Variants in SLCO1C1 observed in about 807,000 individuals in gnomAD.
SLCO1C1 encodes solute carrier organic anion transporter family member 1C1, also known as OAT-RP-5.
Under a neutral mutation model 76.4 loss-of-function variants are expected in SLCO1C1, and 70 were observed. The observed-to-expected ratio is 0.92, with a 90% CI of 0.76 to 1.12. SLCO1C1 has a LOEUF of 1.12. SLCO1C1 is among the 50% of genes most tolerant of loss of function. SLCO1C1 has a pLI of 0.00. For missense variants in SLCO1C1, 912 were observed against 823.8 expected (o/e 1.11, Z -1.31); for synonymous variants, 306 against 286.1 (o/e 1.07, Z -0.70).
At chr12:20,700,056 G>A (rs1262642767) in intron 2 of SLCO1C1, 1 of 163,308 alleles carries the variant, frequency 6.1e-6, no homozygotes, top group Admixed American at 6.5e-5. Context: ...AATAAAAATG[G>A]GAATAATGTT....
At chr12:20,722,406 G>C (rs747161483) in intron 8 of SLCO1C1, among the ~76,000 whole-genome samples, 43 of 152,214 alleles carry the variant, frequency 2.8e-4, no homozygotes, top group Non-Finnish European at 4.0e-4. Context: ...CTATTCATTT[G>C]AGAGATGTGT....
chr12:20,697,782 G>A (rs1946332974), intron 1 of SLCO1C1, among the ~76,000 whole-genome samples: 1 of 151,962 alleles, frequency 6.6e-6, no homozygotes, highest in African/African-American at 2.4e-5. Context: ...GGATTTGCTA[G>A]CATTTACTTA....
chr12:20,751,771 T>C (rs931873290), intron 14 of SLCO1C1, among the ~76,000 whole-genome samples: 7 of 152,148 alleles, frequency 4.6e-5, no homozygotes, highest in Admixed American at 2.6e-4. Context: ...TGACAAAGCA[T>C]AGAACTATAG....
chr12:20,743,178 T>G, intron 12 of SLCO1C1, 127 bp from the exon 13 acceptor site: 1 of 799,808 alleles, frequency 1.3e-6, no homozygotes, highest in Non-Finnish European at 2.0e-6. Flanking sequence ...AGCACACCAA[T>G]GGGTTCAACA....
chr12:20,701,376 T>C lies in SLCO1C1; in HGVS notation c.188T>C (p.Leu63Pro). 6.4e-7 allele frequency: 1 copy of C among 1,554,164 alleles called. No homozygotes were observed. The highest frequency in any genetic ancestry group is 8.8e-7 in the Non-Finnish European group (1 of 1,137,420). Residue 63 changes from leucine (L) to proline (P), a missense_variant, in exon 3 of 15, where the codon CTG becomes CCG. By Grantham distance (98) the Leu-to-Pro change is moderately conservative (BLOSUM62 -3). Transcript: ENST00000266509. ...YFAKALAEGY[L>P]KSTITQIERR... ...GCCAAAGCATTGGCAGAAGGCTATCTGAAGAGCACCATCACTCAGATAGAG... is the reference window on the plus strand; with the variant it reads ...GCCAAAGCATTGGCAGAAGGCTATCCGAAGAGCACCATCACTCAGATAGAG...
chr12:20,710,190 CT>C (rs1947003327), intron 4 of SLCO1C1, among the ~76,000 whole-genome samples: 1 of 140,000 alleles, frequency 7.1e-6, no homozygotes, highest in African/African-American at 2.9e-5. Flanking sequence ...ATAAACAGTT[CT>C]CTACTTTTCT....
intron 7 of SLCO1C1, among the ~76,000 whole-genome samples, chr12:20,717,692 T>A (rs1443300769): frequency 1.7e-5 from 2 of 117,196 alleles, no homozygotes; most frequent in Non-Finnish European, 3.5e-5. Flanking sequence ...TTTTTTTTTT[T>A]ACTCTGCAAG....
chr12:20,731,525 C>A (rs1422499514), intron 9 of SLCO1C1, among the ~76,000 whole-genome samples: 1 of 152,192 alleles, frequency 6.6e-6, no homozygotes, highest in African/African-American at 2.4e-5. Flanking sequence ...TTTACTACAG[C>A]AAATGCTGAT....
chr12:20,715,535 C>T (rs117301850), intron 6 of SLCO1C1, among the ~76,000 whole-genome samples: 3,198 of 152,278 alleles, frequency 0.021, 61 homozygotes, highest in Non-Finnish European at 0.033. Context: ...GCTGCAATGA[C>T]GTATGACCTT....
intron 12 of SLCO1C1, among the ~76,000 whole-genome samples, chr12:20,741,505 T>C (rs1303516171): frequency 1.3e-5 from 2 of 152,160 alleles, no homozygotes; most frequent in African/African-American, 4.8e-5. Flanking sequence ...AAATAGTGAT[T>C]TGATAACCAA....
At chr12:20,704,071 T>C (rs1321562508) in intron 3 of SLCO1C1, among the ~76,000 whole-genome samples, 1 of 151,608 alleles carries the variant, frequency 6.6e-6, no homozygotes, top group Admixed American at 6.6e-5. Context: ...TTTCTGTACC[T>C]GTTTTTTTGT....
intron 14 of SLCO1C1, 189 bp downstream of exon 14, chr12:20,750,981 A>T (rs1949277032): frequency 3.6e-6 from 4 of 1,124,566 alleles, no homozygotes; most frequent in Non-Finnish European, 5.0e-6. Context: ...TTTTGTCCCT[A>T]TTCATTACCT....
chr12:20,710,334 A>G (rs1158863829), intron 4 of SLCO1C1, among the ~76,000 whole-genome samples: 1 of 150,708 alleles, frequency 6.6e-6, no homozygotes, highest in African/African-American at 2.4e-5. Flanking sequence ...CAGCCTCCCA[A>G]GTAGCTGGGA....
chr12:20,712,585 A>ATTT (rs1257292543), intron 5 of SLCO1C1, among the ~76,000 whole-genome samples: 2 of 152,184 alleles, frequency 1.3e-5, no homozygotes, highest in African/African-American at 4.8e-5. Context: ...CCTACTCCTA[A>ATTT]CCGGAGGAAC....
rs1165369252 is a variant in SLCO1C1, at chr12:20,699,753, C to G, written c.129+48C>G. 1.9e-6 allele frequency: 3 copies of G among 1,554,890 alleles called. No individual in the cohort carries two copies. In the African/African-American group the frequency reaches 4.2e-5, roughly 22 times the overall value. On this transcript the variant is annotated intron_variant, in intron 2 of 14. Coordinates refer to ENST00000266509, the MANE Select transcript of SLCO1C1 (RefSeq NM_017435.5). ...AGTGTTGATGCTCTTAGTTTTCTGTCCAGATATCATCTATATAATGAAGTT... is the reference window on the plus strand; with the variant it reads ...AGTGTTGATGCTCTTAGTTTTCTGTGCAGATATCATCTATATAATGAAGTT...
rs189627094 is a variant in SLCO1C1, at chr12:20,740,076, C to T, written c.1549-108C>T. On this transcript the variant is annotated intron_variant, in intron 11 of 14. Coordinates refer to ENST00000266509, the MANE Select transcript of SLCO1C1 (RefSeq NM_017435.5). The stretch of plus-strand genomic sequence containing the variant: ...ATACAAAAAAATAAAAGAATATTTC[C>T]TCATTGTTTACATAATGCATGGCTA... 76 of 1,073,408 alleles carry T rather than the reference C, an allele frequency of 7.1e-5. No homozygotes were observed. The East Asian group carries it at 1.8e-3, about 25-fold the overall frequency. 66.5% of individuals were successfully genotyped at this position (1,073,408 alleles called of 1,614,324 possible). A position where few individuals can be genotyped will look rare whatever the true frequency, so the allele number is the denominator to read the frequency against.
intron 7 of SLCO1C1, among the ~76,000 whole-genome samples, chr12:20,720,111 T>C (rs1006893077): frequency 5.3e-5 from 8 of 152,204 alleles, no homozygotes; most frequent in Admixed American, 3.3e-4. Flanking sequence ...ACTAGAACAA[T>C]AGAGATATGC....
intron 5 of SLCO1C1, among the ~76,000 whole-genome samples, chr12:20,714,853 C>G (rs966990497): frequency 6.6e-6 from 1 of 152,040 alleles, no homozygotes; most frequent in Non-Finnish European, 1.5e-5. Flanking sequence ...ACTCAAATAG[C>G]TCAAGGTAGG....
chr12:20,740,173 T>TTGTGTTA lies in SLCO1C1; in HGVS notation c.1549-11_1549-10insTGTGTTA. ...ACTGAAATAATTGGACTTTTCCCTA[T>TTGTGTTA]CGTGTTACAGATATTTTACAACTGC... On this transcript the variant is annotated splice_polypyrimidine_tract_variant and intron_variant, in intron 11 of 14. Coordinates refer to ENST00000266509, the MANE Select transcript of SLCO1C1 (RefSeq NM_017435.5). 1 of 1,596,306 alleles carries TTGTGTTA rather than the reference T, an allele frequency of 6.3e-7. No homozygotes were observed. The highest frequency in any genetic ancestry group is 8.5e-7 in the Non-Finnish European group (1 of 1,173,776).
Sources: allele counts gnomAD v4.1 joint callset (sites outside exome capture counted in the v4.1 genomes callset), GRCh38; gene constraint gnomAD v4.1.1; transcripts MANE v1.5; gene names NCBI Gene and HGNC (gene_info 2026-07-23, HGNC 2026-07-21).